NELL1: variants seen among roughly 807,000 people sequenced by gnomAD.
The protein encoded by NELL1 is protein kinase C-binding protein NELL1.
A neutral mutation model predicts 107.4 loss-of-function variants in NELL1; 76 were observed. The observed-to-expected ratio is 0.71, with a 90% CI of 0.59 to 0.86. The LOEUF is 0.86. NELL1 is among the 40% of genes least tolerant of loss of function. NELL1 has a pLI of 0.00. For synonymous variants in NELL1, 353 were observed against 341.2 expected (o/e 1.03, Z -0.38); for missense variants, 1,024 against 1,005.5 (o/e 1.02, Z -0.25).
intron 14 of NELL1, among the ~76,000 whole-genome samples, chr11:21,335,894 AG>A (rs1327872304): frequency 2.0e-5 from 3 of 152,048 alleles, no homozygotes; most frequent in African/African-American, 7.2e-5. Context: ...TAGACACCAA[AG>A]CCTGCCATTC....
At chr11:21,154,074 G>A (rs868593481) in intron 13 of NELL1, among the ~76,000 whole-genome samples, 34 of 152,240 alleles carry the variant, frequency 2.2e-4, no homozygotes, top group African/African-American at 7.7e-4. Context: ...TGTGAAAATG[G>A]GATTAGACTA....
At chr11:20,889,377 G>C (rs1849571580) in intron 5 of NELL1, among the ~76,000 whole-genome samples, 1 of 152,182 alleles carries the variant, frequency 6.6e-6, no homozygotes, top group South Asian at 2.1e-4. Flanking sequence ...AAATGTAGTA[G>C]TATATACCAA....
intron 12 of NELL1, among the ~76,000 whole-genome samples, chr11:21,085,471 G>GA (rs918002370): frequency 6.6e-6 from 1 of 152,026 alleles, no homozygotes; most frequent in African/African-American, 2.4e-5. Flanking sequence ...CACCTCTACA[G>GA]AAAAATCTTA....
At chr11:21,010,138 C>T (rs1852415186) in intron 12 of NELL1, among the ~76,000 whole-genome samples, 1 of 151,916 alleles carries the variant, frequency 6.6e-6, no homozygotes, top group African/African-American at 2.4e-5. Flanking sequence ...TCATATAATT[C>T]ATGTATTAAT....
chr11:21,479,157 T>G (rs751365170), intron 15 of NELL1, among the ~76,000 whole-genome samples: 1 of 152,118 alleles, frequency 6.6e-6, no homozygotes, highest in Non-Finnish European at 1.5e-5. Flanking sequence ...AAAATTGAGC[T>G]ACCATATTGT....
At chr11:21,223,279 A>G (rs907982755) in intron 13 of NELL1, among the ~76,000 whole-genome samples, 3 of 152,222 alleles carry the variant, frequency 2.0e-5, no homozygotes, top group Admixed American at 6.5e-5. Flanking sequence ...ATTGTTATAT[A>G]TACTTGCTGA....
At chr11:21,239,115 C>T (rs752515003) in intron 14 of NELL1, among the ~76,000 whole-genome samples, 42 of 152,084 alleles carry the variant, frequency 2.8e-4, no homozygotes, top group South Asian at 6.2e-4. Context: ...ATTATTAGCA[C>T]GATGAAAAAT....
intron 13 of NELL1, among the ~76,000 whole-genome samples, chr11:21,227,586 C>G (rs1026739380): frequency 6.6e-6 from 1 of 152,106 alleles, no homozygotes; most frequent in Non-Finnish European, 1.5e-5. Flanking sequence ...ACCTTGTCTG[C>G]TATTGCACCT....
At chr11:21,561,514 G>T (rs539633474) in intron 17 of NELL1, among the ~76,000 whole-genome samples, 1 of 152,114 alleles carries the variant, frequency 6.6e-6, no homozygotes, top group South Asian at 2.1e-4. Context: ...GCACTACTTT[G>T]AAAGACAATG....
At chr11:21,308,484 A>C (rs1315645737) in intron 14 of NELL1, among the ~76,000 whole-genome samples, 5 of 152,054 alleles carry the variant, frequency 3.3e-5, no homozygotes, top group Non-Finnish European at 7.4e-5. Flanking sequence ...AGGAATGAAA[A>C]TGTGATGAAA....
At chr11:21,069,652 T>C (rs1853963976) in intron 12 of NELL1, among the ~76,000 whole-genome samples, 1 of 152,212 alleles carries the variant, frequency 6.6e-6, no homozygotes, top group East Asian at 1.9e-4. Flanking sequence ...ATATTTAAAA[T>C]TATGTTTAAA....
chr11:20,922,385 C>T (rs992708168), intron 7 of NELL1, among the ~76,000 whole-genome samples: 5 of 151,832 alleles, frequency 3.3e-5, no homozygotes, highest in African/African-American at 9.7e-5. Flanking sequence ...ATATTGAATA[C>T]AGCAGTTTAG....
rs142701385 is a variant in NELL1 at position 21,501,849 on chromosome 11, ATAG to A, written c.1646-32523_1646-32521del. Among the ~76,000 whole-genome samples the A allele has an allele frequency of 6.4e-3, 979 of 152,190 alleles. 9 individuals are homozygous for A. The highest frequency in any genetic ancestry group is 0.022 in the African/African-American group (920 of 41,480). ...GAGCCAATGTATTTGTTTATGTTGTATAGTTCCTTTTGCTGGCCTTGCCCCTTC... is the reference window on the plus strand; with the variant it reads ...GAGCCAATGTATTTGTTTATGTTGTATTCCTTTTGCTGGCCTTGCCCCTTC... On this transcript the variant is annotated intron_variant, in intron 15 of 19. Transcript: ENST00000357134.
At chr11:20,690,653 G>A (rs555708505) in intron 2 of NELL1, among the ~76,000 whole-genome samples, 1 of 151,592 alleles carries the variant, frequency 6.6e-6, no homozygotes, top group South Asian at 2.1e-4. Context: ...TCTCTGTTTT[G>A]GTACCAGTAC....
At chr11:21,537,740 C>A (rs935461955) in intron 16 of NELL1, among the ~76,000 whole-genome samples, 5 of 152,032 alleles carry the variant, frequency 3.3e-5, no homozygotes, top group African/African-American at 1.2e-4. Flanking sequence ...GCATGTATGT[C>A]AAATGATTGA....
chr11:21,283,246 A>G (rs564906366), intron 14 of NELL1, among the ~76,000 whole-genome samples: 8 of 152,310 alleles, frequency 5.3e-5, no homozygotes, highest in African/African-American at 1.9e-4. Flanking sequence ...ATTATTATGC[A>G]TTGCATGCCT....
intron 15 of NELL1, among the ~76,000 whole-genome samples, chr11:21,455,332 T>A (rs1174643988): frequency 1.4e-5 from 2 of 145,104 alleles, no homozygotes; most frequent in African/African-American, 5.1e-5. Flanking sequence ...TTTTTTTTTT[T>A]TTTTTAATGA....
chr11:21,390,524 C>CAT (rs1196046065), intron 15 of NELL1, among the ~76,000 whole-genome samples: 4 of 151,314 alleles, frequency 2.6e-5, no homozygotes, highest in Admixed American at 2.6e-4. Flanking sequence ...CACACACACA[C>CAT]ACACACACAC....
rs80178845 is a variant in NELL1 at position 21,063,164 on chromosome 11, A to G, written c.1301-50425A>G. On this transcript the variant is annotated intron_variant, in intron 12 of 19. Transcript: ENST00000357134. ...GGCCCAGCTGCTTATAGTTTTGTTA[A>G]GAAGAATACAAATCAGGAACAGTTA... Among the ~76,000 whole-genome samples the G allele has an allele frequency of 1.7e-4, 26 of 152,222 alleles. No individual in the cohort carries two copies. In the East Asian group the frequency reaches 3.1e-3, roughly 18 times the overall value.
Sources: gnomAD v4.1 joint callset for allele counts (sites outside exome capture counted in the v4.1 genomes callset) on GRCh38, gnomAD v4.1.1 for gene constraint, MANE v1.5 for transcripts, NCBI Gene and HGNC (gene_info 2026-07-23, HGNC 2026-07-21) for gene names.